CD53: variants seen among roughly 807,000 people sequenced by gnomAD.
CD53 encodes leukocyte surface antigen CD53.
CD53 carries 20 observed loss-of-function variants against 27.3 expected under a neutral mutation model. The ratio of observed to expected loss-of-function variants is 0.73; its 90% CI spans 0.52 to 1.07. CD53 has a LOEUF of 1.07. CD53 is among the 50% of genes least tolerant of loss of function. CD53 has a pLI of 0.00. For synonymous variants in CD53, 106 were observed against 105.3 expected (o/e 1.01, Z -0.04); for missense variants, 216 against 264.0 (o/e 0.82, Z 1.26).
Position 110,889,638 on chromosome 1 carries a change from T to C in CD53, c.-17-1754T>C, listed in dbSNP as rs1233972245. On this transcript the variant is annotated intron_variant, in intron 1 of 7. Transcript: ENST00000271324. ...TTTATTGAGTACCGGTCTTGCTGTA[T>C]GCCAGTCTGTGTGATAAGATCATTT... Among the ~76,000 whole-genome samples, 3 of 152,160 alleles carry C rather than the reference T, an allele frequency of 2.0e-5. No homozygotes were observed. The East Asian group carries it at 5.8e-4, about 29-fold the overall frequency.
At chr1:110,880,889 A>G (rs1656329147) in intron 1 of CD53, among the ~76,000 whole-genome samples, 1 of 152,130 alleles carries the variant, frequency 6.6e-6, no homozygotes, top group South Asian at 2.1e-4. Context: ...CTTAGACACA[A>G]ACAGAGAGGA....
intron 1 of CD53, among the ~76,000 whole-genome samples, chr1:110,883,810 T>C (rs1656454544): frequency 6.6e-6 from 1 of 151,952 alleles, no homozygotes; most frequent in Non-Finnish European, 1.5e-5. Context: ...TTCATCTAAG[T>C]TGTATTGGCA....
At chr1:110,887,917 G>T (rs1656690216) in intron 1 of CD53, among the ~76,000 whole-genome samples, 1 of 152,174 alleles carries the variant, frequency 6.6e-6, no homozygotes, top group Non-Finnish European at 1.5e-5. Context: ...TTGAAGTTGT[G>T]ATTAAATCAA....
intron 1 of CD53, among the ~76,000 whole-genome samples, chr1:110,878,886 T>C (rs1309724089): frequency 6.6e-6 from 1 of 152,250 alleles, no homozygotes; most frequent in Non-Finnish European, 1.5e-5. Flanking sequence ...AACGCTTTTC[T>C]TCACTGAAAG....
At chr1:110,882,873 C>G (rs1449278926) in intron 1 of CD53, among the ~76,000 whole-genome samples, 1 of 152,008 alleles carries the variant, frequency 6.6e-6, no homozygotes, top group Non-Finnish European at 1.5e-5. Flanking sequence ...GTTACTAGTG[C>G]ATAGAATGCT....
chr1:110,885,922 C>T (rs1002294944), intron 1 of CD53, among the ~76,000 whole-genome samples: 10 of 151,990 alleles, frequency 6.6e-5, no homozygotes, highest in East Asian at 1.9e-4. Flanking sequence ...AAAAGTATTG[C>T]GCATTTATTC....
At chr1:110,890,531 C>A (rs750448744) in intron 1 of CD53, among the ~76,000 whole-genome samples, 1 of 151,876 alleles carries the variant, frequency 6.6e-6, no homozygotes, top group East Asian at 1.9e-4. Context: ...TGTGCCACTG[C>A]ACTCCAGCCT....
intron 1 of CD53, among the ~76,000 whole-genome samples, chr1:110,874,489 T>G (rs1432567222): frequency 1.9e-4 from 29 of 152,180 alleles, no homozygotes; most frequent in Admixed American, 1.8e-3. Flanking sequence ...ACTATGCGTG[T>G]GCTTTGGAAG....
At chr1:110,883,232 T>G (rs1477228240) in intron 1 of CD53, among the ~76,000 whole-genome samples, 1 of 152,006 alleles carries the variant, frequency 6.6e-6, no homozygotes, top group Non-Finnish European at 1.5e-5. Context: ...TAAGCGTTCT[T>G]CTATTCCTAG....
intron 1 of CD53, among the ~76,000 whole-genome samples, chr1:110,882,449 G>T (rs922822164): frequency 6.6e-5 from 10 of 151,938 alleles, no homozygotes; most frequent in Non-Finnish European, 1.5e-4. Flanking sequence ...TTTAACACCA[G>T]TGCTATCCTG....
At chr1:110,896,576 C>A (rs1025479449) in intron 5 of CD53, 77 bp from the exon 6 acceptor site, 17 of 1,361,312 alleles carry the variant, frequency 1.2e-5, no homozygotes, top group East Asian at 4.6e-5. Context: ...GAAGGGCACA[C>A]CTTTTCCTCT....
At chr1:110,891,043 A>C (rs1656832938) in intron 1 of CD53, among the ~76,000 whole-genome samples, 3 of 152,238 alleles carry the variant, frequency 2.0e-5, no homozygotes, top group Non-Finnish European at 2.9e-5. Flanking sequence ...TCAAGGGCTT[A>C]AGTGCCCAGG....
At chr1:110,891,503 T>C in intron 2 of CD53, 32 bp downstream of exon 2, 1 of 1,553,966 alleles carries the variant, frequency 6.4e-7, no homozygotes, top group Non-Finnish European at 8.9e-7. Flanking sequence ...ACGGTTTAGC[T>C]CACCTTTACC....
chr1:110,894,219 C>T (rs1656967512), intron 3 of CD53, 108 bp from the exon 4 acceptor site: 3 of 886,816 alleles, frequency 3.4e-6, no homozygotes, highest in Admixed American at 2.0e-5. Context: ...GGAGGCAGAA[C>T]AGGAACACCC....
chr1:110,883,338 T>A (rs1429558675), intron 1 of CD53, among the ~76,000 whole-genome samples: 7 of 151,996 alleles, frequency 4.6e-5, no homozygotes, highest in Non-Finnish European at 8.8e-5. Context: ...TTTCAATTCA[T>A]TAATATGACT....
chr1:110,877,495 G>A (rs1352907073), intron 1 of CD53, among the ~76,000 whole-genome samples: 2 of 152,148 alleles, frequency 1.3e-5, no homozygotes, highest in Non-Finnish European at 2.9e-5. Flanking sequence ...CCTGATTTAC[G>A]AAGTAAGCTT....
intron 1 of CD53, among the ~76,000 whole-genome samples, chr1:110,880,033 G>T (rs891007111): frequency 2.0e-5 from 3 of 152,318 alleles, no homozygotes; most frequent in East Asian, 3.9e-4. Context: ...AAACTAAAGA[G>T]CAAAGTTGAT....
chr1:110,878,712 C>T (rs1656222760), intron 1 of CD53, among the ~76,000 whole-genome samples: 1 of 152,070 alleles, frequency 6.6e-6, no homozygotes. Context: ...CCAAACACTT[C>T]CATTCACTGA....
Position 110,891,484 on chromosome 1 carries a change from C to T in CD53, c.63+13C>T. The T allele has an allele frequency of 6.2e-7, 1 of 1,604,998 alleles. No individual in the cohort carries two copies. Among genetic ancestry groups the T allele is most frequent in the East Asian group, 2.2e-5 (1 of 44,830 alleles). On this transcript the variant is annotated intron_variant, in intron 2 of 7. Transcript: ENST00000271324. ...CTTGCTCTTTTGGGTAAGTGTATCT[C>T]TTCTGAGCACGGTTTAGCTCACCTT...
Sources: allele counts gnomAD v4.1 joint callset (sites outside exome capture counted in the v4.1 genomes callset), GRCh38; gene constraint gnomAD v4.1.1; transcripts MANE v1.5; gene names NCBI Gene and HGNC (gene_info 2026-07-23, HGNC 2026-07-21).